SYF2: variants seen among roughly 807,000 people sequenced by gnomAD.
SYF2 encodes the protein SYF2 pre-mRNA splicing factor, also known as pre-mRNA-splicing factor SYF2.
In SYF2, 21 loss-of-function variants were observed where a neutral mutation model predicts 32.7. The ratio of observed to expected loss-of-function variants is 0.64; its 90% CI spans 0.45 to 0.92. The LOEUF (loss-of-function observed/expected upper bound fraction) is 0.92, where lower values mean the gene tolerates loss of function less well. Among genes scored for constraint, SYF2 ranks in the 40% least tolerant of loss-of-function variants. SYF2 has a pLI of 0.00. For synonymous variants in SYF2, 114 were observed against 103.9 expected (o/e 1.10, Z -0.59); for missense variants, 278 against 296.5 (o/e 0.94, Z 0.46).
intron 2 of SYF2, among the ~76,000 whole-genome samples, chr1:25,229,736 C>T (rs1346105550): frequency 1.3e-5 from 2 of 150,592 alleles, no homozygotes; most frequent in Non-Finnish European, 2.9e-5. Flanking sequence ...GATTGCACTA[C>T]TGCACTACAG....
Position 25,228,982 on chromosome 1 carries a change from T to TA in SYF2, c.258+15dup, listed in dbSNP as rs769279003. On this transcript the variant is annotated intron_variant, in intron 3 of 6. Coordinates refer to ENST00000236273, the MANE Select transcript of SYF2 (RefSeq NM_015484.5). ...TGATTGACTAAATCACTTATGAAGATAGAATAGTTCCTAACCTTTTTCTTT... is the reference window on the plus strand; with the variant it reads ...TGATTGACTAAATCACTTATGAAGATAAGAATAGTTCCTAACCTTTTTCTTT... 1.2e-6 allele frequency: 2 copies of TA among 1,609,094 alleles called. No individual in the cohort carries two copies. Among genetic ancestry groups the TA allele is most frequent in the Non-Finnish European group, 1.7e-6 (2 of 1,178,632 alleles).
chr1:25,224,363 C>T (rs1638465920), intron 6 of SYF2, among the ~76,000 whole-genome samples: 1 of 152,094 alleles, frequency 6.6e-6, no homozygotes, highest in African/African-American at 2.4e-5. Flanking sequence ...TCAAGTGATC[C>T]TCCTGACTGA....
chr1:25,225,814 C>A (rs541409197), intron 5 of SYF2, among the ~76,000 whole-genome samples: 1 of 151,000 alleles, frequency 6.6e-6, no homozygotes, highest in Non-Finnish European at 1.5e-5. Context: ...GCCGAGATCA[C>A]GCCACTGCAC....
rs186387361 is a variant in SYF2, at chr1:25,226,782, T to C, written c.467+660A>G. On this transcript the variant is annotated intron_variant, in intron 5 of 6. Transcript: ENST00000236273. ...GGAGGATCACTTGAGGCCAGGAGTT[T>C]GAGACAGCCTGAGCAACACAGTGAG... 3.3e-3 allele frequency among the ~76,000 whole-genome samples: 505 copies of C among 152,044 alleles called. 5 individuals are homozygous for C. The highest frequency in any genetic ancestry group is 0.012 in the African/African-American group (483 of 41,468).
Position 25,223,060 on chromosome 1 carries a change from A to C in SYF2, c.*206T>G, listed in dbSNP as rs1255067938. ...TTACAAAACAACTTCACTACAAGAA[A>C]TACATCTTATATCCAAGCACAAAAA... On this transcript the variant is annotated 3_prime_UTR_variant, in exon 7 of 7. Coordinates refer to ENST00000236273, the MANE Select transcript of SYF2 (RefSeq NM_015484.5). The C allele has an allele frequency of 6.9e-6, 3 of 437,676 alleles. No individual in the cohort carries two copies. The highest frequency in any genetic ancestry group is 1.2e-5 in the Non-Finnish European group (3 of 248,128). 27.1% of individuals were successfully genotyped at this position (437,676 alleles called of 1,614,324 possible). A position where few individuals can be genotyped will look rare whatever the true frequency, so the allele number is the denominator to read the frequency against.
intron 2 of SYF2, among the ~76,000 whole-genome samples, chr1:25,229,668 G>A (rs756836412): frequency 3.3e-5 from 5 of 151,974 alleles, no homozygotes; most frequent in African/African-American, 4.8e-5. Context: ...CTAGCTACTC[G>A]GGAGGCTGAG....
chr1:25,226,330 G>A (rs922068039), intron 5 of SYF2, among the ~76,000 whole-genome samples: 1 of 152,120 alleles, frequency 6.6e-6, no homozygotes, highest in African/African-American at 2.4e-5. Flanking sequence ...CCATCCTGAG[G>A]TTATTTCCTT....
rs1472090134 is a variant in SYF2, at chr1:25,225,033, T to C, written c.535A>G (p.Ile179Val). 3 of 1,614,100 alleles carry C rather than the reference T, an allele frequency of 1.9e-6. No individual in the cohort carries two copies. Among genetic ancestry groups the C allele is most frequent in the African/African-American group, 2.7e-5 (2 of 75,054 alleles). The part of the protein sequence containing the change: ...HGTHVPSTEE[I>V]DRMVIDLEKQ... ...TCCAGATCTATGACCATCCTGTCAA[T>C]TTCCTCTGTGGAAGGCACATGTGTT... The change falls in exon 6 of 7, where the codon ATT (isoleucine) becomes GTT (valine). Residue 179 changes from isoleucine (I) to valine (V), a missense_variant. Coordinates refer to ENST00000236273, the MANE Select transcript of SYF2 (RefSeq NM_015484.5).
In SYF2 at chr1:25,228,204, T is replaced by A. The variant is rs754843409; in HGVS notation, c.290A>T (p.Lys97Ile). Residue 97 changes from lysine to isoleucine, a missense_variant, in exon 4 of 7, where the codon AAA becomes ATA. By Grantham distance (102) the Lys-to-Ile change is moderately radical. Coordinates refer to ENST00000236273, the MANE Select transcript of SYF2 (RefSeq NM_015484.5). ...ECAARGEDYE[K>I]VKLLEISAED... The stretch of plus-strand genomic sequence containing the variant: ...TGCACTGATCTCCAGCAACTTCACT[T>A]TCTCATAGTCTTCTCCTCTTGCCGC... 2 of 1,613,580 alleles carry A rather than the reference T, an allele frequency of 1.2e-6. No individual in the cohort carries two copies. The highest frequency in any genetic ancestry group is 1.7e-6 in the Non-Finnish European group (2 of 1,179,994).
intron 6 of SYF2, 100 bp downstream of exon 6, chr1:25,224,902 C>A: frequency 1.1e-6 from 1 of 905,306 alleles, no homozygotes; most frequent in Middle Eastern, 2.2e-4. Flanking sequence ...CAATTTCTAT[C>A]TTTTGAATTC....
At chr1:25,228,297 T>C (rs1638555658) in intron 3 of SYF2, 62 bp from the exon 4 acceptor site, 2 of 1,341,452 alleles carry the variant, frequency 1.5e-6, no homozygotes, top group East Asian at 2.3e-5. Context: ...TGATCTACTT[T>C]ACATCAAGAA....
rs11809414 is a variant in SYF2, at chr1:25,232,260, A to G, written c.25-49T>C. 8,220 of 1,576,462 alleles carry G rather than the reference A, an allele frequency of 5.2e-3. 386 individuals carry two copies. The African/African-American group carries it at 0.098, about 19-fold the overall frequency. ...AGGCAGAGCCGGCTCAGCTTCTCCCAGGACTGCCCAGGCCGAGTCCCCGCC... is the reference window on the plus strand; with the variant it reads ...AGGCAGAGCCGGCTCAGCTTCTCCCGGGACTGCCCAGGCCGAGTCCCCGCC... On this transcript the variant is annotated intron_variant, in intron 1 of 6. Transcript: ENST00000236273.
chr1:25,227,327 G>C, intron 5 of SYF2, 115 bp downstream of exon 5: 3 of 856,736 alleles, frequency 3.5e-6, no homozygotes, highest in Non-Finnish European at 5.4e-6. Flanking sequence ...ACCATCCTTA[G>C]ACAACTATTA....
intron 3 of SYF2, 100 bp from the exon 4 acceptor site, chr1:25,228,335 T>C (rs1638555987): frequency 1.9e-6 from 2 of 1,050,806 alleles, no homozygotes; most frequent in East Asian, 2.4e-5. Flanking sequence ...ACCAATACTT[T>C]AATAGTATTT....
In SYF2 at chr1:25,228,185, G is replaced by A. The variant is rs762071841; in HGVS notation, c.309C>T (p.Ile103=). ...EDYEKVKLLE[I]SAEDAERWER... is the part of the protein sequence containing the mutation. ...CCCATCTTTCTGCATCTTCTGCACT[G>A]ATCTCCAGCAACTTCACTTTCTCAT... Residue 103 remains isoleucine (I), a synonymous_variant, in exon 4 of 7, where the codon ATC becomes ATT. Transcript: ENST00000236273. 1.2e-5 allele frequency: 20 copies of A among 1,613,558 alleles called. No homozygotes were observed. The East Asian group carries it at 2.0e-4, about 16-fold the overall frequency.
intron 5 of SYF2, 151 bp downstream of exon 5, chr1:25,227,291 G>C (rs1638531051): frequency 3.0e-6 from 2 of 677,944 alleles, no homozygotes; most frequent in South Asian, 4.5e-5. Context: ...CATCTCAAAG[G>C]AAAAAAATAT....
rs1189211808 is a variant in SYF2, at chr1:25,229,140, A to G, written c.133-17T>C. 1.9e-6 allele frequency: 3 copies of G among 1,607,650 alleles called. No individual in the cohort carries two copies. The highest frequency in any genetic ancestry group is 4.5e-5 in the East Asian group (2 of 44,806). ...AGCTTCATTCTAAAACCGTAACACA[A>G]GAAGTCTGTCAGCTAAAACATGAAA... On this transcript the variant is annotated splice_polypyrimidine_tract_variant and intron_variant, in intron 2 of 6. Coordinates refer to ENST00000236273, the MANE Select transcript of SYF2 (RefSeq NM_015484.5).
chr1:25,224,749 T>C (rs1557468855), intron 6 of SYF2, among the ~76,000 whole-genome samples: 1 of 152,206 alleles, frequency 6.6e-6, no homozygotes, highest in Non-Finnish European at 1.5e-5. Context: ...GATCATTTTT[T>C]TTAGACCTTT....
chr1:25,228,931 T>C, intron 3 of SYF2, 67 bp downstream of exon 3: 2 of 1,554,292 alleles, frequency 1.3e-6, no homozygotes, highest in Non-Finnish European at 1.7e-6. Context: ...ACAACCACCA[T>C]GTTGTAGTGT....
Sources: gnomAD v4.1 joint callset for allele counts (sites outside exome capture counted in the v4.1 genomes callset) on GRCh38, gnomAD v4.1.1 for gene constraint, MANE v1.5 for transcripts, NCBI Gene and HGNC (gene_info 2026-07-23, HGNC 2026-07-21) for gene names.